RP1: variants seen among roughly 807,000 people sequenced by gnomAD.
The protein encoded by RP1 is oxygen-regulated protein 1.
Under a neutral mutation model 14.8 loss-of-function variants are expected in RP1, and 16 were observed. The observed-to-expected ratio is 1.08, with a 90% CI of 0.73 to 1.65. The LOEUF is 1.65. Ranked by LOEUF, RP1 falls within the 40% of genes most tolerant of loss-of-function variation. RP1 has a pLI of 0.00. For missense variants in RP1, 2,631 were observed against 2,535.0 expected, an observed-to-expected ratio of 1.04 and a Z score of -0.81; for synonymous variants, 876 against 883.6, an observed-to-expected ratio of 0.99 and a Z score of 0.15.
chr8:54,712,759 G>A (rs1395311142), intron 15 of RP1, among the ~76,000 whole-genome samples: 1 of 152,146 alleles, frequency 6.6e-6, no homozygotes, highest in Non-Finnish European at 1.5e-5. Context: ...TTTTGGTAGT[G>A]AGTCATTTTA....
At chr8:54,811,591 T>C (rs1027676076) in intron 24 of RP1, among the ~76,000 whole-genome samples, 4 of 152,204 alleles carry the variant, frequency 2.6e-5, no homozygotes, top group African/African-American at 9.7e-5. Context: ...CGTCAGTACA[T>C]GGCACCGGAC....
intron 12 of RP1, among the ~76,000 whole-genome samples, chr8:54,693,691 T>C (rs1208557306): frequency 6.6e-6 from 1 of 152,214 alleles, no homozygotes; most frequent in Non-Finnish European, 1.5e-5. Context: ...TTTGCTGACA[T>C]TGTTTATCAG....
At chr8:54,734,509 T>C (rs1808867934) in intron 17 of RP1, 4 of 1,506,380 alleles carry the variant, frequency 2.7e-6, no homozygotes, top group African/African-American at 1.4e-5. Flanking sequence ...CCTGATGTTA[T>C]ATCTGATCTG....
chr8:54,866,363 T>C (rs1168276406), intron 28 of RP1, among the ~76,000 whole-genome samples: 2 of 152,172 alleles, frequency 1.3e-5, no homozygotes, highest in African/African-American at 4.8e-5. Context: ...TGAACTCTAA[T>C]GCATTGTACT....
chr8:54,760,470 C>A (rs1175394115), intron 22 of RP1, among the ~76,000 whole-genome samples: 2 of 152,086 alleles, frequency 1.3e-5, no homozygotes, highest in Non-Finnish European at 2.9e-5. Context: ...TATTGTATAG[C>A]TTTGCCTGAA....
intron 24 of RP1, among the ~76,000 whole-genome samples, chr8:54,829,259 C>A (rs1375743347): frequency 1.3e-5 from 2 of 152,128 alleles, no homozygotes; most frequent in Non-Finnish European, 2.9e-5. Flanking sequence ...AAATGTAAAC[C>A]TTCATGGTAA....
chr8:54,606,309 T>C (rs1176574191), intron 1 of RP1, among the ~76,000 whole-genome samples: 4 of 152,162 alleles, frequency 2.6e-5, no homozygotes, highest in Non-Finnish European at 5.9e-5. Context: ...TGAAGCTTAG[T>C]TTGGCTTGAT....
At chr8:54,651,052 A>G (rs999955989) in intron 4 of RP1, among the ~76,000 whole-genome samples, 2 of 151,894 alleles carry the variant, frequency 1.3e-5, no homozygotes, top group African/African-American at 4.8e-5. Context: ...TTTGGCATCA[A>G]TTGAGATGAT....
intron 7 of RP1, chr8:54,663,996 C>T (rs1450993524): frequency 1.2e-6 from 1 of 806,256 alleles, no homozygotes; most frequent in East Asian, 3.1e-5. Context: ...AACAGATCAT[C>T]AGAACTTTTT....
At chr8:54,663,659 T>C (rs1207165665) in intron 6 of RP1, 4 of 1,482,784 alleles carry the variant, frequency 2.7e-6, no homozygotes, top group South Asian at 1.4e-5. Context: ...GTTATATGAG[T>C]ACTGCTTGGC....
intron 25 of RP1, among the ~76,000 whole-genome samples, chr8:54,840,306 G>T (rs1436994317): frequency 6.6e-6 from 1 of 151,922 alleles, no homozygotes; most frequent in Non-Finnish European, 1.5e-5. Flanking sequence ...AGGCTGGAGT[G>T]CAGTGGCATG....
chr8:54,643,595 G>A (rs1169115008), intron 3 of RP1, among the ~76,000 whole-genome samples: 2 of 152,186 alleles, frequency 1.3e-5, no homozygotes, highest in African/African-American at 2.4e-5. Flanking sequence ...GTCACCTCTT[G>A]TTTGCTGGGG....
intron 1 of RP1, among the ~76,000 whole-genome samples, chr8:54,591,578 T>G (rs921458241): frequency 3.3e-5 from 5 of 152,234 alleles, no homozygotes; most frequent in Middle Eastern, 6.8e-3. Flanking sequence ...GTACCTGAAA[T>G]TATCTTATTT....
intron 6 of RP1, among the ~76,000 whole-genome samples, chr8:54,661,819 T>C (rs1038017587): frequency 1.3e-5 from 2 of 152,156 alleles, no homozygotes; most frequent in Non-Finnish European, 2.9e-5. Context: ...TGTTGTTAGA[T>C]TGGATGATTT....
In RP1 at chr8:54,597,498, AC is replaced by A. The variant is rs375184899; in HGVS notation, c.-12-23456del. Among the ~76,000 whole-genome samples the A allele has an allele frequency of 6.4e-3, 979 of 152,266 alleles. 9 individuals carry two copies. The highest frequency in any genetic ancestry group is 0.022 in the African/African-American group (924 of 41,566). On this transcript the variant is annotated intron_variant, in intron 1 of 22. Transcript: ENST00000636932. ...AGAAATGGGAACATGAGTCTACAGG[AC>A]TGGGAATTATGGCTCCCTCACCATT...
Position 54,629,351 on chromosome 8 carries a change from T to C in RP1, c.5469T>C (p.His1823=), listed in dbSNP as rs776160237. Residue 1823 remains histidine, a synonymous_variant, in exon 4 of 4, where the codon CAT becomes CAC. Transcript: ENST00000220676. ...ELKCNYFNMP[H]GSDSEPFHED... Reference sequence around the variant, plus strand: ...AATGCAATTACTTTAACATGCCTCATGGTAGTGACTCAGAACCTTTTCATG... The same window carrying C: ...AATGCAATTACTTTAACATGCCTCACGGTAGTGACTCAGAACCTTTTCATG... 6.2e-7 allele frequency: 1 copy of C among 1,614,138 alleles called. No individual in the cohort carries two copies. The highest frequency in any genetic ancestry group is 8.5e-7 in the Non-Finnish European group (1 of 1,179,990).
intron 24 of RP1, among the ~76,000 whole-genome samples, chr8:54,830,545 A>C (rs140195346): frequency 9.5e-4 from 145 of 151,846 alleles, no homozygotes; most frequent in African/African-American, 3.4e-3. Context: ...TTGGTATCTC[A>C]TTTTTCCATC....
chr8:54,781,958 A>T (rs145736214), intron 23 of RP1, among the ~76,000 whole-genome samples: 21 of 152,244 alleles, frequency 1.4e-4, no homozygotes, highest in African/African-American at 4.8e-4. Context: ...CTTCTATGCA[A>T]ACTTATTCCC....
chr8:54,632,755 A>T (rs1013537805), downstream of RP1, among the ~76,000 whole-genome samples: 26 of 152,126 alleles, frequency 1.7e-4, no homozygotes, highest in African/African-American at 6.3e-4. Flanking sequence ...TAAGCATTCA[A>T]AGCATGTTTT....
Sources: allele counts gnomAD v4.1 joint callset (sites outside exome capture counted in the v4.1 genomes callset), GRCh38; gene constraint gnomAD v4.1.1; transcripts MANE v1.5; gene names NCBI Gene and HGNC (gene_info 2026-07-23, HGNC 2026-07-21).